PPFIA2: variants seen among roughly 807,000 people sequenced by gnomAD.
The protein encoded by PPFIA2 is liprin-alpha-2.
A neutral mutation model predicts 175.5 loss-of-function variants in PPFIA2; 46 were observed. That is an observed-to-expected ratio of 0.26 (90% CI 0.21 to 0.34). The LOEUF is 0.34. PPFIA2 is among the 10% of genes least tolerant of loss of function. The pLI is 1.00. For synonymous variants in PPFIA2, 568 were observed against 511.4 expected, an observed-to-expected ratio of 1.11 and a Z score of -1.49; for missense variants, 1,179 against 1,506.1, an observed-to-expected ratio of 0.78 and a Z score of 3.60.
intron 4 of PPFIA2, among the ~76,000 whole-genome samples, chr12:81,627,539 A>AT (rs2062858478): frequency 6.6e-6 from 1 of 152,164 alleles, no homozygotes; most frequent in African/African-American, 2.4e-5. Flanking sequence ...ATGTCATCTG[A>AT]TTCCCGTGTC....
intron 3 of PPFIA2, among the ~76,000 whole-genome samples, chr12:81,727,392 A>T (rs1223188244): frequency 6.6e-6 from 1 of 151,404 alleles, no homozygotes; most frequent in African/African-American, 2.4e-5. Flanking sequence ...GTTTTTCACT[A>T]ACCATCAAAA....
intron 4 of PPFIA2, among the ~76,000 whole-genome samples, chr12:81,581,243 CAG>C (rs981839984): frequency 5.3e-5 from 8 of 150,160 alleles, no homozygotes; most frequent in African/African-American, 1.5e-4. Flanking sequence ...AGTGTTGGGA[CAG>C]GGGTTGAGCA....
chr12:81,550,115 A>T (rs2067660007), intron 4 of PPFIA2, among the ~76,000 whole-genome samples: 1 of 151,954 alleles, frequency 6.6e-6, no homozygotes, highest in African/African-American at 2.4e-5. Flanking sequence ...GGCACTAGAG[A>T]CTTAGAGTAA....
intron 4 of PPFIA2, among the ~76,000 whole-genome samples, chr12:81,479,810 C>A (rs1365902929): frequency 1.3e-5 from 2 of 152,096 alleles, no homozygotes; most frequent in Non-Finnish European, 2.9e-5. Flanking sequence ...TGTGGGTAAC[C>A]CGACATTTTT....
chr12:81,541,362 T>C (rs1391194291), intron 4 of PPFIA2, among the ~76,000 whole-genome samples: 1 of 152,028 alleles, frequency 6.6e-6, no homozygotes, highest in African/African-American at 2.4e-5. Context: ...CCTCAACAGC[T>C]GTCCCTACTA....
chr12:81,481,010 A>G (rs2058145893), intron 4 of PPFIA2, among the ~76,000 whole-genome samples: 1 of 152,206 alleles, frequency 6.6e-6, no homozygotes, highest in Non-Finnish European at 1.5e-5. Flanking sequence ...CAGCAAAAAA[A>G]TCTCCCGAAG....
chr12:81,387,340 A>G (rs1448685286), intron 8 of PPFIA2, among the ~76,000 whole-genome samples: 5 of 152,280 alleles, frequency 3.3e-5, no homozygotes, highest in Middle Eastern at 3.4e-3. Context: ...TTTTTATTGC[A>G]CAATATTGCA....
chr12:81,600,911 C>T (rs528279040), intron 4 of PPFIA2, among the ~76,000 whole-genome samples: 1 of 152,028 alleles, frequency 6.6e-6, no homozygotes, highest in East Asian at 1.9e-4. Flanking sequence ...GGGTCTAACA[C>T]AATTGAGATC....
At chr12:81,656,245 AC>A (rs759432155) in intron 4 of PPFIA2, among the ~76,000 whole-genome samples, 4 of 152,082 alleles carry the variant, frequency 2.6e-5, no homozygotes, top group Non-Finnish European at 5.9e-5. Context: ...GGTTTCAAAA[AC>A]ATTCTTGAAT....
intron 4 of PPFIA2, among the ~76,000 whole-genome samples, chr12:81,640,901 C>T (rs997517283): frequency 7.3e-5 from 11 of 151,614 alleles, no homozygotes; most frequent in South Asian, 6.2e-4. Context: ...CACATGAGAC[C>T]TTAAAAAAAA....
In PPFIA2 at chr12:81,263,051, G is replaced by T. The variant is rs142765775; in HGVS notation, c.3715+180C>A. Among the ~76,000 whole-genome samples, 35 of 152,318 alleles carry T rather than the reference G, an allele frequency of 2.3e-4. No individual in the cohort carries two copies. In the East Asian group the frequency reaches 6.6e-3, roughly 29 times the overall value. On this transcript the variant is annotated intron_variant, in intron 31 of 32. Transcript: ENST00000549396. The stretch of plus-strand genomic sequence containing the variant: ...ATTATTTTGAAAATGTGAATAAAGT[G>T]CCATGAGTTCATGCAATAGCAGTGT...
chr12:81,308,453 G>C (rs2049900923), intron 22 of PPFIA2, among the ~76,000 whole-genome samples: 1 of 152,140 alleles, frequency 6.6e-6, no homozygotes, highest in Non-Finnish European at 1.5e-5. Flanking sequence ...TGCAGAATCA[G>C]AATTTGAACC....
At chr12:81,280,022 C>A (rs1387712718) in intron 27 of PPFIA2, among the ~76,000 whole-genome samples, 1 of 152,172 alleles carries the variant, frequency 6.6e-6, no homozygotes, top group Non-Finnish European at 1.5e-5. Context: ...TTAAAGTCTT[C>A]CTTCATCCAA....
Position 81,563,790 on chromosome 12 carries a change from A to G in PPFIA2, c.304-105924T>C, listed in dbSNP as rs564891368. ...TGTATTTAAAAGATATAAAGCCATTATCATGCAGCAGGCATCATTACAGAT... is the reference window on the plus strand; with the variant it reads ...TGTATTTAAAAGATATAAAGCCATTGTCATGCAGCAGGCATCATTACAGAT... On this transcript the variant is annotated intron_variant, in intron 4 of 32. Coordinates refer to ENST00000549396, the MANE Select transcript of PPFIA2 (RefSeq NM_003625.5). 2.0e-5 allele frequency among the ~76,000 whole-genome samples: 3 copies of G among 152,372 alleles called. No individual in the cohort carries two copies. In the East Asian group the frequency reaches 5.8e-4, roughly 29 times the overall value.
chr12:81,589,284 T>A (rs1217646734), intron 4 of PPFIA2, among the ~76,000 whole-genome samples: 1 of 152,110 alleles, frequency 6.6e-6, no homozygotes, highest in Admixed American at 6.6e-5. Context: ...CAAAGGCTAC[T>A]CATTGATTTC....
chr12:81,405,876 G>T lies in PPFIA2; in HGVS notation c.673C>A (p.His225Asn). The T allele has an allele frequency of 6.4e-7, 1 of 1,572,540 alleles. No homozygotes were observed. Among genetic ancestry groups the T allele is most frequent in the Non-Finnish European group, 8.6e-7 (1 of 1,156,932 alleles). Residue 225 changes from histidine to asparagine, a missense_variant, in exon 8 of 33, where the codon CAT (histidine) becomes AAT (asparagine). Coordinates refer to ENST00000549396, the MANE Select transcript of PPFIA2 (RefSeq NM_003625.5). ...CTTGATGCCATTTTTCTTTGTATAT[G>T]AACATTTTGTTCACGCAAGGCAACA... ...EIVALREQNV[H>N]IQRKMASSEG...
intron 7 of PPFIA2, among the ~76,000 whole-genome samples, chr12:81,416,631 G>C (rs1253495303): frequency 3.3e-5 from 5 of 151,642 alleles, no homozygotes; most frequent in African/African-American, 1.2e-4. Context: ...TTATTATAAA[G>C]TACTTCTTTG....
At position 81,343,364 on chromosome 12, in the gene PPFIA2, C is replaced by T. The variant is rs77928992; in HGVS notation, c.2262+1300G>A. On this transcript the variant is annotated intron_variant, in intron 19 of 32. Coordinates refer to ENST00000549396, the MANE Select transcript of PPFIA2 (RefSeq NM_003625.5). Reference sequence around the variant, plus strand: ...ATAGTCTTTTTAAGGTGATGGAGGTCAAAGAAAATAAGGACATTATACTTG... The same window carrying T: ...ATAGTCTTTTTAAGGTGATGGAGGTTAAAGAAAATAAGGACATTATACTTG... Among the ~76,000 whole-genome samples the T allele has an allele frequency of 1.5e-3, 231 of 151,756 alleles. 4 individuals are homozygous for T. The East Asian group carries it at 0.028, about 19-fold the overall frequency.
At chr12:81,586,063 T>G (rs1179027115) in intron 4 of PPFIA2, among the ~76,000 whole-genome samples, 1 of 152,000 alleles carries the variant, frequency 6.6e-6, no homozygotes, top group East Asian at 1.9e-4. Flanking sequence ...ACTTTGTCAT[T>G]GACCACAATG....
Sources: gnomAD v4.1 joint callset for allele counts (sites outside exome capture counted in the v4.1 genomes callset) on GRCh38, gnomAD v4.1.1 for gene constraint, MANE v1.5 for transcripts, NCBI Gene and HGNC (gene_info 2026-07-23, HGNC 2026-07-21) for gene names.